Variants in ARHGAP45 observed in about 807,000 individuals in gnomAD.
ARHGAP45 encodes the protein rho GTPase-activating protein 45.
A neutral mutation model predicts 116.1 loss-of-function variants in ARHGAP45; 56 were observed. That is an observed-to-expected ratio of 0.48 (90% CI 0.39 to 0.60). ARHGAP45 has a LOEUF of 0.60. Ranked by LOEUF, ARHGAP45 falls within the 20% of genes least tolerant of loss-of-function variation. ARHGAP45 has a pLI of 0.00. For synonymous variants in ARHGAP45, 866 were observed against 701.7 expected (o/e 1.23, Z -3.70); for missense variants, 1,622 against 1,601.0 (o/e 1.01, Z -0.22).
chr19:1,079,983 A>G lies in ARHGAP45; in HGVS notation c.1568A>G (p.His523Arg). The G allele has an allele frequency of 6.2e-7, 1 of 1,612,818 alleles. No individual in the cohort carries two copies. Among genetic ancestry groups the G allele is most frequent in the Non-Finnish European group, 8.5e-7 (1 of 1,179,802 alleles). Residue 523 changes from histidine to arginine, a missense_variant, in exon 13 of 23, where the codon CAC (histidine) becomes CGC (arginine). Coordinates refer to ENST00000313093, the MANE Select transcript of ARHGAP45 (RefSeq NM_012292.5). The stretch of plus-strand genomic sequence containing the variant: ...ATGCAGACGGCGCCGCTGCCCGTGC[A>G]CTTCCAGATGCTGTGTGAGAGCAGC... ...MHMQTAPLPV[H>R]FQMLCESSKL...
rs769933731 is a variant in ARHGAP45, at chr19:1,080,599, G to A, written c.1912+52G>A. 2.3e-5 allele frequency: 37 copies of A among 1,607,878 alleles called. No homozygotes were observed. In the African/African-American group the frequency reaches 4.5e-4, roughly 20 times the overall value. ...GGTGTGGAGCTGCCTCCTCTCCTGA[G>A]CCTCAGGGTTTCATCACCCACCGGG... On this transcript the variant is annotated intron_variant, in intron 15 of 22. Coordinates refer to ENST00000313093, the MANE Select transcript of ARHGAP45 (RefSeq NM_012292.5).
At chr19:1,070,420 T>C (rs1319441856) in intron 2 of ARHGAP45, among the ~76,000 whole-genome samples, 2 of 135,438 alleles carry the variant, frequency 1.5e-5, no homozygotes, top group African/African-American at 5.6e-5. Flanking sequence ...AACCTCCACC[T>C]CCTGGGTTCA....
Position 1,077,979 on chromosome 19 carries a change from A to G in ARHGAP45, c.1308A>G (p.Gly436=). ...AGGAGCAGGCTGGCAGCGCGCCGGGAGCAGGCAGCACGGCCACCAAGACCC... is the reference window on the plus strand; with the variant it reads ...AGGAGCAGGCTGGCAGCGCGCCGGGGGCAGGCAGCACGGCCACCAAGACCC... The part of the protein sequence containing the change: ...AEEEQAGSAP[G]AGSTATKTLD... The change falls in exon 11 of 23, where the codon GGA becomes GGG. Residue 436 remains glycine (G), a synonymous_variant. Transcript: ENST00000313093. 5 of 1,553,884 alleles carry G rather than the reference A, an allele frequency of 3.2e-6. No individual in the cohort carries two copies. The highest frequency in any genetic ancestry group is 4.4e-6 in the Non-Finnish European group (5 of 1,148,216).
rs1555704756 is a variant in ARHGAP45, at chr19:1,067,252, G to GT, written c.-154_-153insT. 2 of 1,386,002 alleles carry GT rather than the reference G, an allele frequency of 1.4e-6. No individual in the cohort carries two copies. The highest frequency in any genetic ancestry group is 1.9e-6 in the Non-Finnish European group (2 of 1,073,114). 85.9% of individuals were successfully genotyped at this position (1,386,002 alleles called of 1,614,324 possible). ...CCCCGAAGCCTTTTCCTGTTGGGGG[G>GT]AGGGCCCGCCAGTGACGGCCGGGCC... On this transcript the variant is annotated 5_prime_UTR_variant, in exon 1 of 23. Coordinates refer to ENST00000313093, the MANE Select transcript of ARHGAP45 (RefSeq NM_012292.5).
At chr19:1,066,183 G>C, upstream of ARHGAP45, 2 of 1,534,544 alleles carry the variant, frequency 1.3e-6, no homozygotes, top group African/African-American at 2.7e-5. Flanking sequence ...AATGGGGTTT[G>C]GGAAAGGAAA....
rs1385789254 is a variant in ARHGAP45 at position 1,071,703 on chromosome 19, C to T, written c.422-1446C>T. On this transcript the variant is annotated intron_variant, in intron 2 of 22. Transcript: ENST00000313093. This position sits in a 1 kb window ranked among gnomAD's most constrained non-coding sequence, Gnocchi z 4.6. ...TCCGCCTCGCATCCAGCAGCGAAGACATGTTCCGGTCCGGGGTCTCAGGCC... is the reference window on the plus strand; with the variant it reads ...TCCGCCTCGCATCCAGCAGCGAAGATATGTTCCGGTCCGGGGTCTCAGGCC... The T allele has an allele frequency of 3.9e-5, 6 of 152,456 alleles. No individual in the cohort carries two copies. The allele number at this position is 152,456 out of a possible 1,614,324, so 9.4% of individuals were successfully genotyped here.
intron 10 of ARHGAP45, chr19:1,077,344 A>C: frequency 1.0e-6 from 1 of 983,158 alleles, no homozygotes; most frequent in Non-Finnish European, 1.2e-6. Context: ...CATTTCTCCG[A>C]GTGTCCTGTT....
intron 19 of ARHGAP45, 86 bp from the exon 20 acceptor site, chr19:1,082,754 G>C (rs1291563668): frequency 8.5e-7 from 1 of 1,178,658 alleles, no homozygotes; most frequent in African/African-American, 1.6e-5. Context: ...GCTCTGTGGG[G>C]GTGGGGCTGA....
At chr19:1,077,463 G>A (rs529156343) in intron 10 of ARHGAP45, 21 of 1,003,412 alleles carry the variant, frequency 2.1e-5, no homozygotes, top group South Asian at 6.9e-5. Flanking sequence ...TGCAACCTTC[G>A]CCTCCTGGGT....
In ARHGAP45 at chr19:1,068,363, G is replaced by A. The variant is rs535954433; in HGVS notation, c.91-51G>A. 12 of 1,428,230 alleles carry A rather than the reference G, an allele frequency of 8.4e-6. No homozygotes were observed. The highest frequency in any genetic ancestry group is 2.8e-5 in the South Asian group (2 of 70,908). 88.5% of individuals were successfully genotyped at this position (1,428,230 alleles called of 1,614,324 possible). ...CTTCATTTCTGGGGAAACTGAGGCC[G>A]TGTCCAGGCCGGAAAATCCCTTTAA... On this transcript the variant is annotated intron_variant, in intron 1 of 22. Transcript: ENST00000313093. This position sits in a 1 kb window ranked among gnomAD's most constrained non-coding sequence, Gnocchi z 7.5.
intron 2 of ARHGAP45, 128 bp from the exon 3 acceptor site, chr19:1,073,021 A>ATCTGCCGTCTTCCACC (rs2043168745): frequency 8.9e-7 from 1 of 1,128,898 alleles, no homozygotes; most frequent in Non-Finnish European, 1.3e-6. Flanking sequence ...AGCCCCAGGC[A>ATCTGCCGTCTTCCACC]TCTGCCGTCT....
At position 1,071,110 on chromosome 19, in the gene ARHGAP45, C is replaced by T; in HGVS notation, c.422-2039C>T. ...CCTGCCCGTCCTCGACCCTCCCCACCTCGAAGCTCTGCGGTTAAGGAAGGA... is the reference window on the plus strand; with the variant it reads ...CCTGCCCGTCCTCGACCCTCCCCACTTCGAAGCTCTGCGGTTAAGGAAGGA... On this transcript the variant is annotated intron_variant, in intron 2 of 22. Coordinates refer to ENST00000313093, the MANE Select transcript of ARHGAP45 (RefSeq NM_012292.5). The surrounding 1 kb of genome is among the most constrained non-coding windows in gnomAD (Gnocchi z 4.6). 3 of 1,129,992 alleles carry T rather than the reference C, an allele frequency of 2.7e-6. No individual in the cohort carries two copies. Among genetic ancestry groups the T allele is most frequent in the Non-Finnish European group, 3.4e-6 (3 of 875,272 alleles). 70.0% of individuals were successfully genotyped at this position (1,129,992 alleles called of 1,614,324 possible). A position where few individuals can be genotyped will look rare whatever the true frequency, so the allele number is the denominator to read the frequency against.
At chr19:1,067,138 G>A (rs1490167810), upstream of ARHGAP45, 12 of 1,166,644 alleles carry the variant, frequency 1.0e-5, no homozygotes, top group Middle Eastern at 3.5e-4. Context: ...GGGGCTGGGG[G>A]CGGGGCCTGC....
chr19:1,079,748 A>G lies in ARHGAP45; in HGVS notation c.1420A>G (p.Lys474Glu), dbSNP rs746164210. Reference protein sequence around the residue: ...ATYRTCVADAKTQKQELEDTK... With the variant: ...ATYRTCVADAETQKQELEDTK... ...CTACCGCACCTGCGTGGCCGACGCG[A>G]AGACGCAGAAGCAGGAGCTGGAGGA... The change falls in exon 12 of 23, where the codon AAG becomes GAG. Residue 474 changes from lysine to glutamate, a missense_variant. Lys to Glu is a moderately conservative substitution (Grantham distance 56). This residue lies in a region of ARHGAP45 where 1,334 missense variants were observed against 1,263.8 expected (regional missense o/e 1.06). Coordinates refer to ENST00000313093, the MANE Select transcript of ARHGAP45 (RefSeq NM_012292.5). 2 of 1,612,558 alleles carry G rather than the reference A, an allele frequency of 1.2e-6. No homozygotes were observed. The highest frequency in any genetic ancestry group is 1.7e-6 in the Non-Finnish European group (2 of 1,179,710).
chr19:1,067,462 C>T lies in ARHGAP45; in HGVS notation c.57C>T (p.Asn19=). 8 of 1,606,046 alleles carry T rather than the reference C, an allele frequency of 5.0e-6. No homozygotes were observed. The highest frequency in any genetic ancestry group is 5.9e-6 in the Non-Finnish European group (7 of 1,177,042). ...AAACCCCTTCCATCTCGAAAAAGAACCGCGCGGGAAGCCCCAGCCCGCAGC... is the reference window on the plus strand; with the variant it reads ...AAACCCCTTCCATCTCGAAAAAGAATCGCGCGGGAAGCCCCAGCCCGCAGC... ...LMKTPSISKK[N]RAGSPSPQPS... is the part of the protein sequence containing the mutation. The change falls in exon 1 of 23, where the codon AAC becomes AAT. Residue 19 remains asparagine, a synonymous_variant. Transcript: ENST00000313093.
At chr19:1,076,184 G>C (rs141101511) in intron 10 of ARHGAP45, among the ~76,000 whole-genome samples, 133 of 152,296 alleles carry the variant, frequency 8.7e-4, no homozygotes, top group African/African-American at 3.1e-3. Context: ...GCCCAAAATA[G>C]AACTGCTGGG....
chr19:1,068,875 C>T lies in ARHGAP45; in HGVS notation c.421+131C>T. On this transcript the variant is annotated intron_variant, in intron 2 of 22. Coordinates refer to ENST00000313093, the MANE Select transcript of ARHGAP45 (RefSeq NM_012292.5). The surrounding 1 kb of genome is among the most constrained non-coding windows in gnomAD (Gnocchi z 7.5). ...GGCAGGGAGGGCTGTGTGGAAGAGG[C>T]CATGACAGCTAAGGCTCTGAGGGAT... The T allele has an allele frequency of 1.2e-6, 1 of 832,992 alleles. No homozygotes were observed. Among genetic ancestry groups the T allele is most frequent in the South Asian group, 1.7e-5 (1 of 59,496 alleles). 51.6% of individuals were successfully genotyped at this position (832,992 alleles called of 1,614,324 possible).
intron 21 of ARHGAP45, 37 bp from the exon 22 acceptor site, chr19:1,084,201 C>A (rs762595649): frequency 6.4e-7 from 1 of 1,567,466 alleles, no homozygotes; most frequent in Admixed American, 1.7e-5. Context: ...GAAAATGGAG[C>A]CCCGGCCCCT....
In ARHGAP45 at chr19:1,086,030, G is replaced by A. The variant is rs2043634495; in HGVS notation, c.*24G>A. On this transcript the variant is annotated 3_prime_UTR_variant, in exon 23 of 23. Coordinates refer to ENST00000313093, the MANE Select transcript of ARHGAP45 (RefSeq NM_012292.5). ...GAGCTGGGGTGGGGCTGGGACCACA[G>A]GTGGCTTCTCTCTTGCCTGCTCCTG... 2 of 1,592,640 alleles carry A rather than the reference G, an allele frequency of 1.3e-6. No individual in the cohort carries two copies. The highest frequency in any genetic ancestry group is 1.7e-6 in the Non-Finnish European group (2 of 1,165,062).
Sources: allele counts gnomAD v4.1 joint callset (sites outside exome capture counted in the v4.1 genomes callset), GRCh38; gene constraint gnomAD v4.1.1; regional missense constraint gnomAD v4.1.1; non-coding constraint Gnocchi (gnomAD v3.1); transcripts MANE v1.5; gene names NCBI Gene and HGNC (gene_info 2026-07-23, HGNC 2026-07-21).